Variants in ZSCAN21 observed in about 807,000 individuals in gnomAD.
The protein encoded by ZSCAN21 is zinc finger and SCAN domain-containing protein 21.
Under a neutral mutation model 35.6 loss-of-function variants are expected in ZSCAN21, and 26 were observed. The observed-to-expected ratio is 0.73, with a 90% CI of 0.54 to 1.01. The LOEUF (loss-of-function observed/expected upper bound fraction) is 1.01, where lower values mean the gene tolerates loss of function less well. Ranked by LOEUF, ZSCAN21 falls within the 50% of genes least tolerant of loss-of-function variation. ZSCAN21 has a pLI of 0.00. For synonymous variants in ZSCAN21, 219 were observed against 219.3 expected (o/e 1.00, Z 0.01); for missense variants, 593 against 587.1 (o/e 1.01, Z -0.10).
chr7:100,064,930 A>G lies in ZSCAN21; in HGVS notation c.*313A>G, dbSNP rs777804877. 4 of 1,610,672 alleles carry G rather than the reference A, an allele frequency of 2.5e-6. No individual in the cohort carries two copies. Among genetic ancestry groups the G allele is most frequent in the East Asian group, 2.2e-5 (1 of 44,862 alleles). On this transcript the variant is annotated 3_prime_UTR_variant, in exon 4 of 4. Coordinates refer to ENST00000292450, the MANE Select transcript of ZSCAN21 (RefSeq NM_145914.3). ...TATCCAGTCTAGTTAAGGAAGAAAC[A>G]TTAAGATTGTTTAATTTTTAACATA...
chr7:100,063,587 T>C (rs535439236), intron 3 of ZSCAN21, among the ~76,000 whole-genome samples: 32 of 151,744 alleles, frequency 2.1e-4, no homozygotes, highest in African/African-American at 7.5e-4. Flanking sequence ...ACAGCGAGAC[T>C]CCATCTCAAA....
At chr7:100,050,408 A>G (rs1791816933) in intron 1 of ZSCAN21, among the ~76,000 whole-genome samples, 1 of 152,240 alleles carries the variant, frequency 6.6e-6, no homozygotes, top group African/African-American at 2.4e-5. Context: ...AAAGAGTGTC[A>G]GGACAAAGTT....
At chr7:100,055,719 C>G (rs1288654682) in intron 1 of ZSCAN21, among the ~76,000 whole-genome samples, 2 of 150,864 alleles carry the variant, frequency 1.3e-5, no homozygotes, top group Non-Finnish European at 2.9e-5. Context: ...CTGTTCACTG[C>G]AAGCTCCACG....
rs55876050 is a variant in ZSCAN21, at chr7:100,049,832, C to G, written c.-106C>G. 1.3e-5 allele frequency: 2 copies of G among 152,370 alleles called. No individual in the cohort carries two copies. Among genetic ancestry groups the G allele is most frequent in the Admixed American group, 6.5e-5 (1 of 15,288 alleles). 9.4% of individuals were successfully genotyped at this position (152,370 alleles called of 1,614,324 possible). A position where few individuals can be genotyped will look rare whatever the true frequency, so the allele number is the denominator to read the frequency against. On this transcript the variant is annotated 5_prime_UTR_variant, in exon 1 of 4. Transcript: ENST00000292450. ...CGGTCTCCCGGTACCCGGAGCGGCTCTGATTCATGGTGAGCCTGCTGGTCG... is the reference window on the plus strand; with the variant it reads ...CGGTCTCCCGGTACCCGGAGCGGCTGTGATTCATGGTGAGCCTGCTGGTCG...
At position 100,064,197 on chromosome 7, in the gene ZSCAN21, CTG is replaced by C. The variant is rs757550630; in HGVS notation, c.1004_1005del (p.Cys335Ter). The part of the protein sequence containing the change: ...RTHLVDRPYD[C>X]KCGKAFGQSS... ...CACACTTGGTGGACCGGCCCTATGA[CTG>C]TAAGTGTGGAAAAGCTTTTGGGCAG... On this transcript the variant is annotated frameshift_variant, in exon 4 of 4. Coordinates refer to ENST00000292450, the MANE Select transcript of ZSCAN21 (RefSeq NM_145914.3). LOFTEE classifies it high-confidence loss of function. The C allele has an allele frequency of 1.3e-5, 21 of 1,613,998 alleles. No homozygotes were observed. The highest frequency in any genetic ancestry group is 4.0e-5 in the African/African-American group (3 of 74,884).
At chr7:100,057,665 T>C (rs760592362) in intron 2 of ZSCAN21, 33 bp from the exon 3 acceptor site, 3 of 1,568,314 alleles carry the variant, frequency 1.9e-6, no homozygotes, top group Admixed American at 1.9e-5. Flanking sequence ...AAGTGAGCCA[T>C]GCACAAACCT....
In ZSCAN21 at chr7:100,052,850, C is replaced by T. The variant is rs762673786; in HGVS notation, c.-97+3009C>T. Among the ~76,000 whole-genome samples the T allele has an allele frequency of 3.3e-5, 5 of 152,052 alleles. No individual in the cohort carries two copies. The East Asian group carries it at 9.6e-4, about 29-fold the overall frequency. On this transcript the variant is annotated intron_variant, in intron 1 of 3. Transcript: ENST00000292450. ...GTGCACCGCAAAACTGATGTACCAC[C>T]GGGCGTGGTGGCTCACGCCTGTAAT... is the stretch of plus-strand genomic sequence containing the variant.
At position 100,062,281 on chromosome 7, in the gene ZSCAN21, CTTTTTTTT is replaced by C. The variant is rs921079005; in HGVS notation, c.593-1491_593-1484del. On this transcript the variant is annotated intron_variant, in intron 3 of 3. Transcript: ENST00000292450. ...TTAATCTGCGTGAGGCTCAACTGTT[CTTTTTTTT>C]TTTTTTTTTTTTTTTAAAGGGCCGG... Among the ~76,000 whole-genome samples, 126 of 96,624 alleles carry C rather than the reference CTTTTTTTT, an allele frequency of 1.3e-3. 1 individual carries two copies. The highest frequency in any genetic ancestry group is 4.4e-3 in the African/African-American group (115 of 26,220). The allele number at this position is 96,624 out of a possible 152,430, so 63.4% of individuals were successfully genotyped here.
intron 3 of ZSCAN21, among the ~76,000 whole-genome samples, chr7:100,062,620 C>T (rs1358889850): frequency 6.8e-6 from 1 of 146,966 alleles, no homozygotes; most frequent in East Asian, 2.0e-4. Context: ...CATCTGGGCA[C>T]GGTGGCTCAC....
At chr7:100,055,058 C>T (rs1265464700) in intron 1 of ZSCAN21, among the ~76,000 whole-genome samples, 2 of 143,940 alleles carry the variant, frequency 1.4e-5, no homozygotes, top group Non-Finnish European at 1.5e-5. Context: ...CAGGTTAAAG[C>T]GATTCTCCTG....
chr7:100,060,646 C>T (rs2116128262), intron 3 of ZSCAN21, among the ~76,000 whole-genome samples: 1 of 151,724 alleles, frequency 6.6e-6, no homozygotes, highest in East Asian at 1.9e-4. Context: ...GCAGGCGGAT[C>T]ACCTGAGGTC....
At position 100,057,191 on chromosome 7, in the gene ZSCAN21, C is replaced by T. The variant is rs774518683; in HGVS notation, c.185C>T (p.Ala62Val). 1.2e-6 allele frequency: 2 copies of T among 1,613,866 alleles called. No homozygotes were observed. Among genetic ancestry groups the T allele is most frequent in the South Asian group, 2.2e-5 (2 of 91,056 alleles). ...CATGATACCCCTGGACCCCGAGAGG[C>T]CCTGAGCCAACTCCGGGTGCTCTGC... ...GYHDTPGPRE[A>V]LSQLRVLCCE... Residue 62 changes from alanine (A) to valine (V), a missense_variant, in exon 2 of 4, where the codon GCC becomes GTC. Transcript: ENST00000292450.
At chr7:100,060,995 T>C (rs1355713691) in intron 3 of ZSCAN21, among the ~76,000 whole-genome samples, 7 of 150,032 alleles carry the variant, frequency 4.7e-5, no homozygotes, top group African/African-American at 1.7e-4. Flanking sequence ...GAGGTGGAGG[T>C]TGTGGTGCAG....
intron 1 of ZSCAN21, among the ~76,000 whole-genome samples, chr7:100,051,277 A>AT (rs1376849857): frequency 1.6e-4 from 7 of 45,070 alleles, no homozygotes; most frequent in Non-Finnish European, 2.2e-4. Flanking sequence ...GGATCTAGGG[A>AT]TTTTCTTTTT....
intron 3 of ZSCAN21, among the ~76,000 whole-genome samples, chr7:100,062,281 CTTTTTTTTTTTTT>C (rs921079005): frequency 1.0e-5 from 1 of 96,648 alleles, no homozygotes; most frequent in Non-Finnish European, 2.2e-5. Context: ...CTCAACTGTT[CTTTTTTTTTTTTT>C]TTTTTTTTTT....
At chr7:100,061,648 G>A (rs556092702) in intron 3 of ZSCAN21, among the ~76,000 whole-genome samples, 23 of 152,346 alleles carry the variant, frequency 1.5e-4, no homozygotes, top group African/African-American at 5.5e-4. Flanking sequence ...AAGGACTTCA[G>A]CTGCTGAAGC....
intron 1 of ZSCAN21, among the ~76,000 whole-genome samples, chr7:100,051,324 C>T (rs1356488136): frequency 4.6e-5 from 2 of 43,732 alleles, no homozygotes; most frequent in Admixed American, 4.1e-4. Context: ...GATGGAGTCT[C>T]GCTCTGTCGC....
intron 3 of ZSCAN21, among the ~76,000 whole-genome samples, 176 bp from the exon 4 acceptor site, chr7:100,063,612 C>G (rs938390139): frequency 1.3e-5 from 2 of 151,992 alleles, no homozygotes. Flanking sequence ...AAAAGAAGTG[C>G]AGTATTGTAA....
chr7:100,063,660 A>G, intron 3 of ZSCAN21, 128 bp from the exon 4 acceptor site: 1 of 807,700 alleles, frequency 1.2e-6, no homozygotes, highest in South Asian at 1.8e-5. Flanking sequence ...TCTATGCGCT[A>G]TCATGAGCTC....
Sources: gnomAD v4.1 joint callset for allele counts (sites outside exome capture counted in the v4.1 genomes callset) on GRCh38, gnomAD v4.1.1 for gene constraint, MANE v1.5 for transcripts, NCBI Gene and HGNC (gene_info 2026-07-23, HGNC 2026-07-21) for gene names.